COL21A1: variants seen among roughly 807,000 people sequenced by gnomAD.
COL21A1 encodes collagen type XXI alpha 1 chain.
COL21A1 carries 149 observed loss-of-function variants against 137.9 expected under a neutral mutation model. The observed-to-expected ratio is 1.08, with a 90% confidence interval of 0.95 to 1.24. The LOEUF is 1.24. COL21A1 is among the 50% of genes most tolerant of loss of function. COL21A1 has a pLI of 0.00. For synonymous variants in COL21A1, 456 were observed against 391.5 expected (o/e 1.16, Z -1.95); for missense variants, 1,167 against 1,158.4 (o/e 1.01, Z -0.11).
At chr6:56,258,486 A>C (rs1456871510) in intron 1 of COL21A1, among the ~76,000 whole-genome samples, 1 of 152,130 alleles carries the variant, frequency 6.6e-6, no homozygotes, top group Non-Finnish European at 1.5e-5. Context: ...GACAAAACCC[A>C]CACACATGCA....
intron 1 of COL21A1, among the ~76,000 whole-genome samples, chr6:56,315,360 A>G (rs944107997): frequency 3.9e-5 from 6 of 152,168 alleles, no homozygotes; most frequent in African/African-American, 1.4e-4. Context: ...CTCTACAAAC[A>G]CGGCCAAGGA....
At chr6:56,325,118 T>C (rs1442807298) in intron 1 of COL21A1, among the ~76,000 whole-genome samples, 1 of 148,908 alleles carries the variant, frequency 6.7e-6, no homozygotes, top group African/African-American at 2.5e-5. Flanking sequence ...TTTCTCAGGG[T>C]CTTTATTCTA....
intron 3 of COL21A1, among the ~76,000 whole-genome samples, chr6:56,177,153 A>G (rs1367568433): frequency 6.6e-6 from 1 of 152,162 alleles, no homozygotes; most frequent in Non-Finnish European, 1.5e-5. Flanking sequence ...CAGCAGCACA[A>G]GTCTTTTACA....
At chr6:56,264,783 T>C (rs898903215) in intron 1 of COL21A1, among the ~76,000 whole-genome samples, 24 of 152,224 alleles carry the variant, frequency 1.6e-4, no homozygotes, top group Non-Finnish European at 3.4e-4. Context: ...AAACTCCAAG[T>C]TCTATAAATG....
chr6:56,081,466 T>A (rs1767760307), intron 17 of COL21A1, among the ~76,000 whole-genome samples: 1 of 151,918 alleles, frequency 6.6e-6, no homozygotes, highest in African/African-American at 2.4e-5. Context: ...ATATTTTAAA[T>A]AATTCATCAC....
intron 1 of COL21A1, among the ~76,000 whole-genome samples, chr6:56,238,947 C>G (rs1189226080): frequency 6.6e-6 from 1 of 152,100 alleles, no homozygotes; most frequent in Non-Finnish European, 1.5e-5. Context: ...TTATTTAAAC[C>G]TTCTGACCAT....
intron 1 of COL21A1, among the ~76,000 whole-genome samples, chr6:56,192,295 G>T (rs1211500202): frequency 6.6e-6 from 1 of 152,128 alleles, no homozygotes; most frequent in African/African-American, 2.4e-5. Context: ...CATGGGCAAA[G>T]ACTTCATGTC....
chr6:56,297,058 A>T (rs1358349277), intron 1 of COL21A1, among the ~76,000 whole-genome samples: 1 of 152,080 alleles, frequency 6.6e-6, no homozygotes, highest in East Asian at 1.9e-4. Flanking sequence ...TTATCATAAT[A>T]GTCTTCTGCT....
chr6:56,161,099 G>A (rs151131705), intron 9 of COL21A1, among the ~76,000 whole-genome samples: 35 of 152,184 alleles, frequency 2.3e-4, no homozygotes, highest in African/African-American at 8.2e-4. Flanking sequence ...TTTTCCAAAG[G>A]CTTTTGTGTT....
chr6:56,252,847 C>T (rs112804967), intron 1 of COL21A1, among the ~76,000 whole-genome samples: 10,993 of 152,208 alleles, frequency 0.072, 447 homozygotes, highest in Middle Eastern at 0.13. Context: ...ACAGCCACTG[C>T]ATGGAGAGAA....
At chr6:56,150,520 A>T (rs928340867) in intron 10 of COL21A1, among the ~76,000 whole-genome samples, 9 of 116,046 alleles carry the variant, frequency 7.8e-5, no homozygotes, top group African/African-American at 3.0e-4. Flanking sequence ...TCCATCACAC[A>T]CACACACACA....
At chr6:56,266,318 T>C (rs750644897) in intron 1 of COL21A1, among the ~76,000 whole-genome samples, 1 of 152,196 alleles carries the variant, frequency 6.6e-6, no homozygotes, top group Non-Finnish European at 1.5e-5. Context: ...AACTACAGCC[T>C]TTGGACCAAA....
intron 1 of COL21A1, among the ~76,000 whole-genome samples, chr6:56,233,352 A>G: frequency 6.6e-6 from 1 of 151,960 alleles, no homozygotes; most frequent in East Asian, 1.9e-4. Context: ...CCATGAGCTC[A>G]ATGAATACAT....
intron 1 of COL21A1, among the ~76,000 whole-genome samples, chr6:56,187,048 G>T (rs190445700): frequency 8.2e-4 from 125 of 152,266 alleles, no homozygotes; most frequent in Middle Eastern, 3.4e-3. Flanking sequence ...CAATACCTGA[G>T]ATGGAGTAAT....
At chr6:56,251,044 C>CA (rs1382010636), upstream of COL21A1, among the ~76,000 whole-genome samples, 1 of 152,074 alleles carries the variant, frequency 6.6e-6, no homozygotes, top group Non-Finnish European at 1.5e-5. Flanking sequence ...CACAAGGGAT[C>CA]AAAAAAGCCC....
In COL21A1 at chr6:56,260,665, AAGGAAGGAAGGAAGGAAGGAAGGAAGGC is replaced by A. The variant is rs1410179048; in HGVS notation, c.-38-78037_-38-78010del. Among the ~76,000 whole-genome samples, 563 of 127,724 alleles carry A rather than the reference AAGGAAGGAAGGAAGGAAGGAAGGAAGGC, an allele frequency of 4.4e-3. 8 individuals are homozygous for A. The highest frequency in any genetic ancestry group is 8.1e-3 in the Middle Eastern group (2 of 248). 83.8% of individuals were successfully genotyped at this position (127,724 alleles called of 152,430 possible). On this transcript the variant is annotated intron_variant, in intron 1 of 28. Transcript: ENST00000370819. Reference sequence around the variant, plus strand: ...GAAGGAAGGAAGGAAGGAATGAAGGAAGGAAGGAAGGAAGGAAGGAAGGAAGGCAGGCAGGCAGGCAGGCAGGCAGGAA... The same window carrying A: ...GAAGGAAGGAAGGAAGGAATGAAGGAAGGCAGGCAGGCAGGCAGGCAGGAA...
In COL21A1 at chr6:56,074,862, A is replaced by G. The variant is rs1767071533; in HGVS notation, c.1912-577T>C. On this transcript the variant is annotated intron_variant, in intron 19 of 29. Transcript: ENST00000244728. ...ATTATACATATTTAACACACTTTAC[A>G]AAGGAAAAGGGATTAAAAAATTATA... Among the ~76,000 whole-genome samples, 3 of 151,420 alleles carry G rather than the reference A, an allele frequency of 2.0e-5. 1 individual carries two copies. In the South Asian group the frequency reaches 6.2e-4, roughly 31 times the overall value.
At chr6:56,283,267 G>A (rs867323136) in intron 1 of COL21A1, among the ~76,000 whole-genome samples, 2 of 151,680 alleles carry the variant, frequency 1.3e-5, no homozygotes, top group East Asian at 1.9e-4. Flanking sequence ...AGGAACTGTG[G>A]CCAAAAAATT....
At chr6:56,090,157 T>C (rs967463171) in intron 17 of COL21A1, among the ~76,000 whole-genome samples, 9 of 152,188 alleles carry the variant, frequency 5.9e-5, no homozygotes, top group Admixed American at 1.3e-4. Flanking sequence ...GAGAATTGCT[T>C]GAACCCAGGA....
Sources: allele counts gnomAD v4.1 joint callset (sites outside exome capture counted in the v4.1 genomes callset), GRCh38; gene constraint gnomAD v4.1.1; transcripts MANE v1.5; gene names NCBI Gene and HGNC (gene_info 2026-07-23, HGNC 2026-07-21).